Variants in TGFB2 observed in about 807,000 individuals in gnomAD.
TGFB2 encodes the protein transforming growth factor beta 2.
In TGFB2, 13 loss-of-function variants were observed where a neutral mutation model predicts 42.7. The observed-to-expected ratio is 0.30, with a 90% CI of 0.20 to 0.48. TGFB2 has a LOEUF of 0.48. TGFB2 is among the 20% of genes least tolerant of loss of function. The probability of loss-of-function intolerance (pLI) is 0.99; values close to 1 mark genes in which losing one functional copy is unlikely to be tolerated. For synonymous variants in TGFB2, 193 were observed against 193.6 expected (o/e 1.00, Z 0.03); for missense variants, 390 against 517.5 (o/e 0.75, Z 2.39).
chr1:218,433,138 G>A (rs572041660), intron 2 of TGFB2, among the ~76,000 whole-genome samples: 1 of 151,892 alleles, frequency 6.6e-6, no homozygotes, highest in Admixed American at 6.6e-5. Context: ...ATGCCACCTC[G>A]GCTCACTGCA....
At chr1:218,388,481 C>T (rs902086688) in intron 1 of TGFB2, among the ~76,000 whole-genome samples, 1 of 152,178 alleles carries the variant, frequency 6.6e-6, no homozygotes, top group African/African-American at 2.4e-5. Flanking sequence ...ACCCGTGGCC[C>T]CCTCGCCCAC....
At position 218,437,370 on chromosome 1, in the gene TGFB2, T is replaced by C; in HGVS notation, c.960T>C (p.Arg320=). Residue 320 remains arginine (R), a synonymous_variant, in exon 6 of 7, where the codon CGT becomes CGC. Transcript: ENST00000366930. ...ATGTGCAGGATAATTGCTGCCTACG[T>C]CCACTTTACATTGATTTCAAGAGGG... The part of the protein sequence containing the change: ...FRNVQDNCCL[R]PLYIDFKRDL... 6.2e-7 allele frequency: 1 copy of C among 1,608,780 alleles called. No homozygotes were observed. The highest frequency in any genetic ancestry group is 8.5e-7 in the Non-Finnish European group (1 of 1,178,094).
At chr1:218,363,902 T>C (rs1314752526) in intron 1 of TGFB2, among the ~76,000 whole-genome samples, 1 of 152,254 alleles carries the variant, frequency 6.6e-6, no homozygotes, top group Non-Finnish European at 1.5e-5. Flanking sequence ...AGAGCAAGCT[T>C]GTCCAACCCT....
intron 1 of TGFB2, among the ~76,000 whole-genome samples, chr1:218,403,089 T>C (rs1289361743): frequency 6.6e-6 from 1 of 152,252 alleles, no homozygotes. Context: ...CGTGCACCAG[T>C]GCCCCCTGGC....
In TGFB2 at chr1:218,441,374, A is replaced by G. The variant is rs1437335292; in HGVS notation, c.*12A>G. On this transcript the variant is annotated 3_prime_UTR_variant, in exon 7 of 7. Coordinates refer to ENST00000366930, the MANE Select transcript of TGFB2 (RefSeq NM_003238.6). ...GCAAATGCAGCTAAAATTCTTGGAA[A>G]AGTGGCAAGACCAAAATGACAATGA... 2 of 1,596,516 alleles carry G rather than the reference A, an allele frequency of 1.3e-6. No homozygotes were observed. The highest frequency in any genetic ancestry group is 4.5e-5 in the East Asian group (2 of 44,710).
At chr1:218,364,451 G>A (rs756169915) in intron 1 of TGFB2, among the ~76,000 whole-genome samples, 37 of 152,174 alleles carry the variant, frequency 2.4e-4, no homozygotes, top group Non-Finnish European at 4.6e-4. Context: ...TGATCCTGAC[G>A]CTCAAGGAAT....
intron 1 of TGFB2, among the ~76,000 whole-genome samples, chr1:218,396,814 T>C (rs920400238): frequency 1.1e-4 from 16 of 152,146 alleles, no homozygotes; most frequent in African/African-American, 3.9e-4. Flanking sequence ...AACCCAGGCA[T>C]CAAGATTTTC....
intron 2 of TGFB2, chr1:218,405,666 G>A (rs183941522): frequency 3.1e-5 from 11 of 357,684 alleles, no homozygotes; most frequent in African/African-American, 1.7e-4. Flanking sequence ...ACCATACCTG[G>A]CTCATTTAGG....
At chr1:218,406,135 T>TA (rs1461291120) in intron 2 of TGFB2, among the ~76,000 whole-genome samples, 2 of 152,056 alleles carry the variant, frequency 1.3e-5, no homozygotes. Flanking sequence ...TTATTAACTT[T>TA]ATCCCGTTTC....
At chr1:218,406,989 A>C (rs1270035855) in intron 2 of TGFB2, among the ~76,000 whole-genome samples, 1 of 152,202 alleles carries the variant, frequency 6.6e-6, no homozygotes, top group Non-Finnish European at 1.5e-5. Flanking sequence ...AATTTGTGAT[A>C]ATTAGGATCA....
intron 1 of TGFB2, among the ~76,000 whole-genome samples, chr1:218,395,673 G>A (rs1227355999): frequency 1.3e-5 from 2 of 149,972 alleles, no homozygotes; most frequent in Non-Finnish European, 3.0e-5. Context: ...GTGCAGTGGC[G>A]CAATCTCGGC....
At chr1:218,409,286 G>A (rs1434963737) in intron 2 of TGFB2, among the ~76,000 whole-genome samples, 1 of 152,226 alleles carries the variant, frequency 6.6e-6, no homozygotes, top group Non-Finnish European at 1.5e-5. Flanking sequence ...CTGTATCACA[G>A]TAACGCTATC....
At chr1:218,409,362 T>C (rs529437881) in intron 2 of TGFB2, among the ~76,000 whole-genome samples, 2 of 152,326 alleles carry the variant, frequency 1.3e-5, no homozygotes, top group African/African-American at 4.8e-5. Context: ...ACCCTGTTTA[T>C]AGTTAACCCA....
At chr1:218,379,130 C>CTTTTT (rs61674773) in intron 1 of TGFB2, among the ~76,000 whole-genome samples, 1 of 143,936 alleles carries the variant, frequency 6.9e-6, no homozygotes, top group Non-Finnish European at 1.5e-5. Context: ...TTCTTTCTTT[C>CTTTTT]TTTTTTTTTT....
intron 2 of TGFB2, among the ~76,000 whole-genome samples, chr1:218,406,060 G>A (rs1019472644): frequency 6.6e-6 from 1 of 151,876 alleles, no homozygotes; most frequent in Non-Finnish European, 1.5e-5. Flanking sequence ...TTTTCTCTTT[G>A]TTTTCTTATT....
At chr1:218,429,571 G>T (rs1174101533) in intron 2 of TGFB2, among the ~76,000 whole-genome samples, 1 of 152,140 alleles carries the variant, frequency 6.6e-6, no homozygotes, top group East Asian at 1.9e-4. Flanking sequence ...TATAAGTATT[G>T]CTTGAGTGCC....
At chr1:218,419,293 C>T (rs991108638) in intron 2 of TGFB2, among the ~76,000 whole-genome samples, 3 of 152,160 alleles carry the variant, frequency 2.0e-5, no homozygotes, top group Non-Finnish European at 4.4e-5. Flanking sequence ...CCTCCACCCA[C>T]AGTGCTTTTC....
intron 1 of TGFB2, among the ~76,000 whole-genome samples, chr1:218,389,807 CAG>C (rs1658262789): frequency 6.6e-6 from 1 of 152,180 alleles, no homozygotes; most frequent in Non-Finnish European, 1.5e-5. Context: ...GGAAATTTTT[CAG>C]ACATGTCTAA....
At position 218,436,065 on chromosome 1, in the gene TGFB2, A is replaced by C; in HGVS notation, c.850A>C (p.Met284Leu). 1 of 1,614,178 alleles carries C rather than the reference A, an allele frequency of 6.2e-7. No homozygotes were observed. The highest frequency in any genetic ancestry group is 8.5e-7 in the Non-Finnish European group (1 of 1,179,990). Reference protein sequence around the residue: ...NSGKTPHLLLMLLPSYRLESQ... With the variant: ...NSGKTPHLLLLLLPSYRLESQ... ...TGGGAAGACCCCACATCTCCTGCTA[A>C]TGTTATTGCCCTCCTACAGACTTGA... Residue 284 changes from methionine to leucine, a missense_variant, in exon 5 of 7, where the codon ATG (methionine) becomes CTG (leucine). Met to Leu is a conservative substitution (Grantham distance 15). Transcript: ENST00000366930.
Sources: gnomAD v4.1 joint callset for allele counts (sites outside exome capture counted in the v4.1 genomes callset) on GRCh38, gnomAD v4.1.1 for gene constraint, MANE v1.5 for transcripts, NCBI Gene and HGNC (gene_info 2026-07-23, HGNC 2026-07-21) for gene names.